The following SAMD7 variants were observed in gnomAD, a reference collection of about 807,000 sequenced individuals.
SAMD7 encodes sterile alpha motif domain-containing protein 7.
A neutral mutation model predicts 36.7 loss-of-function variants in SAMD7; 34 were observed. The ratio of observed to expected loss-of-function variants is 0.93; its 90% CI spans 0.71 to 1.23. The LOEUF is 1.23. SAMD7 is among the 50% of genes most tolerant of loss of function. SAMD7 has a pLI of 0.00. For missense variants in SAMD7, 570 were observed against 546.6 expected (o/e 1.04, Z -0.43); for synonymous variants, 188 against 189.7 (o/e 0.99, Z 0.07).
At chr3:169,917,205 G>C (rs1195423995) in intron 2 of SAMD7, among the ~76,000 whole-genome samples, 1 of 152,146 alleles carries the variant, frequency 6.6e-6, no homozygotes, top group Non-Finnish European at 1.5e-5. Flanking sequence ...CTAACAAAGT[G>C]ATTGTATATT....
Position 169,927,051 on chromosome 3 carries a change from G to A in SAMD7, c.789G>A (p.Trp263Ter). ...TCGAGCCCACCCATAGGAAACCCTG[G>A]GGGTCTCACACCACTACCCTGAAAG... ...GELEPTHRKP[W>*]GSHTTTLKAK... is the part of the protein sequence containing the mutation. Residue 263 changes from tryptophan (W) to a stop codon, truncating the protein, a stop_gained, in exon 6 of 9, where the codon TGG (tryptophan) becomes TGA (stop). Coordinates refer to ENST00000335556, the MANE Select transcript of SAMD7 (RefSeq NM_001304366.2). LOFTEE classifies it high-confidence loss of function. 1 of 1,612,184 alleles carries A rather than the reference G, an allele frequency of 6.2e-7. No homozygotes were observed. The highest frequency in any genetic ancestry group is 8.5e-7 in the Non-Finnish European group (1 of 1,179,460).
At chr3:169,917,384 A>G (rs1054217123) in intron 2 of SAMD7, among the ~76,000 whole-genome samples, 7 of 152,114 alleles carry the variant, frequency 4.6e-5, no homozygotes, top group African/African-American at 1.7e-4. Context: ...ATATAGTTGC[A>G]GGTATCTCAG....
intron 7 of SAMD7, chr3:169,932,442 G>C (rs759346526): frequency 1.6e-6 from 1 of 611,932 alleles, no homozygotes; most frequent in African/African-American, 1.8e-5. Context: ...TAGACACAAT[G>C]CGGAGGTAGC....
chr3:169,924,924 C>T (rs919278697), intron 4 of SAMD7, 134 bp from the exon 5 acceptor site: 6 of 599,282 alleles, frequency 1.0e-5, no homozygotes, highest in Non-Finnish European at 1.7e-5. Flanking sequence ...ATACCATTTC[C>T]AAAATTGTGC....
At chr3:169,927,552 C>T (rs865959568) in intron 6 of SAMD7, among the ~76,000 whole-genome samples, 2 of 152,076 alleles carry the variant, frequency 1.3e-5, no homozygotes, top group Non-Finnish European at 2.9e-5. Flanking sequence ...GCCTCGGCCT[C>T]CCAAAGTGCT....
rs1162442989 is a variant in SAMD7 at position 169,920,761 on chromosome 3, G to A, written c.87-453G>A. Among the ~76,000 whole-genome samples the A allele has an allele frequency of 4.6e-5, 7 of 152,100 alleles. No individual in the cohort carries two copies. The East Asian group carries it at 1.3e-3, about 29-fold the overall frequency. ...TTATTTATCCTTGTTTATGGAGTGT[G>A]AACAGTAAAGTGGAACTTCTAGAGA... On this transcript the variant is annotated intron_variant, in intron 3 of 8. Coordinates refer to ENST00000335556, the MANE Select transcript of SAMD7 (RefSeq NM_001304366.2).
intron 8 of SAMD7, among the ~76,000 whole-genome samples, chr3:169,936,965 A>G (rs999289799): frequency 7.9e-5 from 12 of 152,258 alleles, no homozygotes; most frequent in Non-Finnish European, 1.5e-4. Flanking sequence ...AATAACGTCA[A>G]GAGCAGAAGT....
chr3:169,921,173 C>G (rs1326863418), intron 3 of SAMD7, 41 bp from the exon 4 acceptor site: 2 of 1,596,676 alleles, frequency 1.3e-6, no homozygotes, highest in Admixed American at 3.3e-5. Context: ...TGTACTCCAA[C>G]CTCATTTTAC....
At chr3:169,913,039 C>A (rs147881572) in intron 1 of SAMD7, among the ~76,000 whole-genome samples, 5 of 152,244 alleles carry the variant, frequency 3.3e-5, no homozygotes, top group Admixed American at 6.5e-5. Flanking sequence ...CAAGAAAACT[C>A]GCAAGAAGCC....
rs557015436 is a variant in SAMD7, at chr3:169,911,832, AACTCTACAC to A, written c.-117+13_-117+21del. 6.6e-6 allele frequency: 1 copy of A among 152,250 alleles called. No individual in the cohort carries two copies. The highest frequency in any genetic ancestry group is 1.5e-5 in the Non-Finnish European group (1 of 68,036). The allele number at this position is 152,250 out of a possible 1,614,324, so 9.4% of individuals were successfully genotyped here. A position where few individuals can be genotyped will look rare whatever the true frequency, so the allele number is the denominator to read the frequency against. On this transcript the variant is annotated intron_variant, in intron 1 of 8. Transcript: ENST00000335556. Reference sequence around the variant, plus strand: ...GTCTTCATAGAGGATGTAAGTATGTAACTCTACACATTGATTAGCCCAAAATTGAGGCCA... The same window carrying A: ...GTCTTCATAGAGGATGTAAGTATGTAATTGATTAGCCCAAAATTGAGGCCA...
At chr3:169,930,256 G>A (rs1338461402) in intron 7 of SAMD7, among the ~76,000 whole-genome samples, 31 of 152,104 alleles carry the variant, frequency 2.0e-4, no homozygotes, top group Admixed American at 1.6e-3. Flanking sequence ...GGATGTCAGC[G>A]CCCTCTTCCC....
chr3:169,936,825 G>A (rs928562043), intron 8 of SAMD7, among the ~76,000 whole-genome samples: 15 of 151,874 alleles, frequency 9.9e-5, no homozygotes, highest in African/African-American at 2.7e-4. Flanking sequence ...CATCCCACTC[G>A]GGAGTGCTGC....
At chr3:169,935,270 C>T (rs944221219) in intron 7 of SAMD7, among the ~76,000 whole-genome samples, 2 of 151,880 alleles carry the variant, frequency 1.3e-5, no homozygotes, top group Admixed American at 1.3e-4. Flanking sequence ...TATTTAAATC[C>T]CAATGGGAAA....
At position 169,925,132 on chromosome 3, in the gene SAMD7, G is replaced by A. The variant is rs1029953991; in HGVS notation, c.286G>A (p.Ala96Thr). 1.9e-6 allele frequency: 3 copies of A among 1,601,036 alleles called. No homozygotes were observed. Among genetic ancestry groups the A allele is most frequent in the Non-Finnish European group, 2.6e-6 (3 of 1,172,344 alleles). The change falls in exon 5 of 9, where the codon GCC becomes ACC. Residue 96 changes from alanine to threonine, a missense_variant. By Grantham distance (58) the Ala-to-Thr change is moderately conservative (BLOSUM62 0). Transcript: ENST00000335556. ...RNEMIQRHHT[A>T]RTEMEMYAIY... ...TGAAATGATTCAACGGCATCATACT[G>A]CCAGGTAATTTGGCAATGTTGTTTT... is the stretch of plus-strand genomic sequence containing the variant.
intron 6 of SAMD7, among the ~76,000 whole-genome samples, chr3:169,927,849 T>C (rs1381534196): frequency 6.6e-6 from 1 of 152,210 alleles, no homozygotes; most frequent in Non-Finnish European, 1.5e-5. Context: ...GAATTCTATC[T>C]CCCTGATATT....
Position 169,911,647 on chromosome 3 carries a change from C to A in SAMD7, c.-291C>A, listed in dbSNP as rs1040321067. 4 of 152,200 alleles carry A rather than the reference C, an allele frequency of 2.6e-5. No individual in the cohort carries two copies. The highest frequency in any genetic ancestry group is 9.7e-5 in the African/African-American group (4 of 41,442). 9.4% of individuals were successfully genotyped at this position (152,200 alleles called of 1,614,324 possible). On this transcript the variant is annotated 5_prime_UTR_variant, in exon 1 of 9. Coordinates refer to ENST00000335556, the MANE Select transcript of SAMD7 (RefSeq NM_001304366.2). ...TCTGTCATGAAATAGGACTAATCAA[C>A]TTAGTTGAATTTGTATTTAAAGCAA...
chr3:169,922,893 G>A (rs566460393), intron 4 of SAMD7, among the ~76,000 whole-genome samples: 9 of 152,250 alleles, frequency 5.9e-5, no homozygotes, highest in East Asian at 1.9e-4. Context: ...GCCATCTGCA[G>A]AGCAAGTAAG....
rs1713291725 is a variant in SAMD7, at chr3:169,926,944, G to C, written c.682G>C (p.Asp228His). 1.2e-6 allele frequency: 2 copies of C among 1,614,046 alleles called. No homozygotes were observed. The highest frequency in any genetic ancestry group is 1.7e-6 in the Non-Finnish European group (2 of 1,179,992). ...YEEDHYAKDP[D>H]IEAPSNQKSS... ...AGAGGATCATTATGCAAAAGACCCA[G>C]ACATTGAAGCACCCAGCAACCAGAA... is the stretch of plus-strand genomic sequence containing the variant. Residue 228 changes from aspartate (D) to histidine (H), a missense_variant, in exon 6 of 9, where the codon GAC (aspartate) becomes CAC (histidine). Physicochemically the swap from Asp to His is moderately conservative, Grantham distance 81 (BLOSUM62 -1). Transcript: ENST00000335556.
At chr3:169,920,587 G>A (rs916239353) in intron 3 of SAMD7, among the ~76,000 whole-genome samples, 16 of 152,188 alleles carry the variant, frequency 1.1e-4, no homozygotes, top group Middle Eastern at 3.2e-3. Context: ...TGGATTTCCC[G>A]TGAAGAAAGA....
Sources: gnomAD v4.1 joint callset for allele counts (sites outside exome capture counted in the v4.1 genomes callset) on GRCh38, gnomAD v4.1.1 for gene constraint, MANE v1.5 for transcripts, NCBI Gene and HGNC (gene_info 2026-07-23, HGNC 2026-07-21) for gene names.